The following THSD1 variants were observed in gnomAD, a reference collection of about 807,000 sequenced individuals.
THSD1 encodes the protein thrombospondin type 1 domain containing 1.
Under a neutral mutation model 46.3 loss-of-function variants are expected in THSD1, and 34 were observed. That is an observed-to-expected ratio of 0.74 (90% CI 0.56 to 0.98). The LOEUF (loss-of-function observed/expected upper bound fraction) is 0.98. Among genes scored for constraint, THSD1 ranks in the 50% least tolerant of loss-of-function variants. The pLI, the probability that THSD1 is intolerant of heterozygous loss-of-function variation, is 0.00. For synonymous variants in THSD1, 407 were observed against 416.5 expected (o/e 0.98, Z 0.28); for missense variants, 1,023 against 1,058.3 (o/e 0.97, Z 0.46).
chr13:52,393,636 C>T (rs995158971), intron 3 of THSD1, among the ~76,000 whole-genome samples: 6 of 152,016 alleles, frequency 3.9e-5, no homozygotes, highest in Non-Finnish European at 7.4e-5. Context: ...ACATCCTGGG[C>T]GACAGAGCGA....
chr13:52,401,654 C>T (rs1188088261), intron 2 of THSD1, among the ~76,000 whole-genome samples: 1 of 152,132 alleles, frequency 6.6e-6, no homozygotes, highest in Admixed American at 6.5e-5. Context: ...CCGGTGTCTT[C>T]TTGTATAAAT....
Position 52,400,987 on chromosome 13 carries a change from T to C in THSD1, c.58+1556A>G, listed in dbSNP as rs374643560. Reference sequence around the variant, plus strand: ...TTGTTTTTGTTTTTTTGTTTGTTTGTTTTTGAGACGGACTTTTGCTCTTGT... The same window carrying C: ...TTGTTTTTGTTTTTTTGTTTGTTTGCTTTTGAGACGGACTTTTGCTCTTGT... On this transcript the variant is annotated intron_variant, in intron 2 of 4. Transcript: ENST00000258613. Among the ~76,000 whole-genome samples the C allele has an allele frequency of 5.5e-4, 84 of 152,316 alleles. 3 individuals are homozygous for C. The highest frequency in any genetic ancestry group is 1.7e-3 in the South Asian group (8 of 4,832).
chr13:52,401,190 G>A (rs967173086), intron 2 of THSD1, among the ~76,000 whole-genome samples: 15 of 152,152 alleles, frequency 9.9e-5, no homozygotes, highest in Non-Finnish European at 2.1e-4. Flanking sequence ...GGCCAGGATG[G>A]TCTCAATCTC....
intron 4 of THSD1, among the ~76,000 whole-genome samples, chr13:52,380,723 C>T (rs568543173): frequency 6.6e-6 from 1 of 152,118 alleles, no homozygotes; most frequent in Non-Finnish European, 1.5e-5. Flanking sequence ...GCTGGGATTA[C>T]ACATACTTTC....
intron 3 of THSD1, among the ~76,000 whole-genome samples, chr13:52,396,516 ACT>A (rs950979453): frequency 1.2e-4 from 19 of 152,128 alleles, no homozygotes; most frequent in Non-Finnish European, 2.5e-4. Flanking sequence ...ACAGAGCGAG[ACT>A]CTGTCTCAAA....
chr13:52,383,894 T>C (rs763796943), intron 4 of THSD1, among the ~76,000 whole-genome samples: 14 of 152,196 alleles, frequency 9.2e-5, no homozygotes, highest in Admixed American at 6.5e-4. Context: ...TTCCAGTTCC[T>C]ACTCAGTATT....
chr13:52,392,886 G>A (rs573259670), intron 3 of THSD1, among the ~76,000 whole-genome samples: 25 of 152,284 alleles, frequency 1.6e-4, no homozygotes, highest in Non-Finnish European at 2.9e-4. Flanking sequence ...TCCTTATATT[G>A]AACAAATCAT....
In THSD1 at chr13:52,378,311, G is replaced by T; in HGVS notation, c.1659C>A (p.His553Gln). Residue 553 changes from histidine to glutamine, a missense_variant, in exon 5 of 5, where the codon CAC (histidine) becomes CAA (glutamine). Physicochemically the swap from His to Gln is conservative, Grantham distance 24. Around this residue, in one of 3 missense-constraint regions of THSD1, gnomAD observed 578 missense variants for 497.4 expected, o/e 1.16. Transcript: ENST00000258613. ...TGTCTGTCAGGGGACTCTGAGACAC[G>T]TGATACACTTTGGTAGTTTCCGTCA... ...KGLTETTKVY[H>Q]VSQSPLTDTA... is the part of the protein sequence containing the mutation. 1 of 1,614,214 alleles carries T rather than the reference G, an allele frequency of 6.2e-7. No homozygotes were observed. The highest frequency in any genetic ancestry group is 8.5e-7 in the Non-Finnish European group (1 of 1,180,050).
rs368671089 is a variant in THSD1 at position 52,392,190 on chromosome 13, C to CAAAAA, written c.1021+5037_1021+5041dup. ...CTGGGGGAGAGAGTGAGACTCCTCT[C>CAAAAA]AAAAAAAAAAAAAAAAAAAAAGTAA... On this transcript the variant is annotated intron_variant, in intron 3 of 4. Coordinates refer to ENST00000258613, the MANE Select transcript of THSD1 (RefSeq NM_018676.4). Among the ~76,000 whole-genome samples the CAAAAA allele has an allele frequency of 5.4e-3, 379 of 69,662 alleles. 13 individuals are homozygous for CAAAAA. The highest frequency in any genetic ancestry group is 0.023 in the African/African-American group (357 of 15,692). 45.7% of individuals were successfully genotyped at this position (69,662 alleles called of 152,430 possible). A position where few individuals can be genotyped will look rare whatever the true frequency, so the allele number is the denominator to read the frequency against.
chr13:52,404,462 T>G (rs1321998247), intron 1 of THSD1, among the ~76,000 whole-genome samples: 1 of 152,032 alleles, frequency 6.6e-6, no homozygotes, highest in East Asian at 1.9e-4. Context: ...AGATTTGAAG[T>G]GTAACTATGC....
At chr13:52,379,750 G>C (rs1034693016) in intron 4 of THSD1, among the ~76,000 whole-genome samples, 28 of 152,110 alleles carry the variant, frequency 1.8e-4, no homozygotes, top group African/African-American at 6.5e-4. Context: ...TGGGATTACA[G>C]GTGTGAGCCA....
At chr13:52,397,068 G>C (rs1469129759) in intron 3 of THSD1, among the ~76,000 whole-genome samples, 164 bp downstream of exon 3, 5 of 152,086 alleles carry the variant, frequency 3.3e-5, no homozygotes, top group Non-Finnish European at 7.3e-5. Flanking sequence ...AGGTTTACCA[G>C]TACTCTTAAT....
At position 52,378,045 on chromosome 13, in the gene THSD1, C is replaced by G. The variant is rs1957651569; in HGVS notation, c.1925G>C (p.Arg642Thr). 1 of 1,614,054 alleles carries G rather than the reference C, an allele frequency of 6.2e-7. No homozygotes were observed. The highest frequency in any genetic ancestry group is 1.3e-5 in the African/African-American group (1 of 74,942). ...HVGSRGGPSERSHARNAHFRR... is the reference protein window; with the variant it reads ...HVGSRGGPSETSHARNAHFRR... ...GAAATGGGCGTTCCTGGCATGGCTC[C>G]TTTCGGACGGGCCCCCTCTGCTGCC... The change falls in exon 5 of 5, where the codon AGG becomes ACG. Residue 642 changes from arginine to threonine, a missense_variant. Arg to Thr is a moderately conservative substitution (Grantham distance 71). Coordinates refer to ENST00000258613, the MANE Select transcript of THSD1 (RefSeq NM_018676.4).
intron 3 of THSD1, among the ~76,000 whole-genome samples, chr13:52,390,032 C>G (rs1162759588): frequency 6.6e-6 from 1 of 151,004 alleles, no homozygotes; most frequent in Admixed American, 6.6e-5. Context: ...ACCAGCTACT[C>G]GGGAGACTGA....
chr13:52,403,937 CATTTTT>C (rs1270681349), intron 1 of THSD1, among the ~76,000 whole-genome samples: 8 of 123,914 alleles, frequency 6.5e-5, no homozygotes, highest in African/African-American at 2.6e-4. Flanking sequence ...CCATTATTCA[CATTTTT>C]TTTTTTTTTT....
intron 4 of THSD1, 118 bp downstream of exon 4, chr13:52,385,910 G>T: frequency 1.2e-6 from 1 of 860,802 alleles, no homozygotes. Context: ...AGCAATCACA[G>T]AGCATTAATG....
intron 4 of THSD1, among the ~76,000 whole-genome samples, chr13:52,383,526 TGG>T (rs1957707658): frequency 6.6e-6 from 1 of 152,344 alleles, no homozygotes; most frequent in East Asian, 1.9e-4. Context: ...CTCATGACAG[TGG>T]GTAGCAGCAT....
rs1293813714 is a variant in THSD1 at position 52,397,450 on chromosome 13, A to G, written c.803T>C (p.Val268Ala). The G allele has an allele frequency of 6.2e-7, 1 of 1,614,108 alleles. No individual in the cohort carries two copies. Among genetic ancestry groups the G allele is most frequent in the South Asian group, 1.1e-5 (1 of 91,074 alleles). ...CTTGAAGACAGTGACCACTCCTTGG[A>G]CGAAGGTGCATGGTGGAGGCAGCAC... ...VTVLPPPCTF[V>A]QGVVTVFKEA... The change falls in exon 3 of 5, where the codon GTC becomes GCC. Residue 268 changes from valine (V) to alanine (A), a missense_variant. Physicochemically the swap from Val to Ala is moderately conservative, Grantham distance 64. Transcript: ENST00000258613.
chr13:52,388,257 T>C (rs1353877066), intron 3 of THSD1, among the ~76,000 whole-genome samples: 1 of 151,452 alleles, frequency 6.6e-6, no homozygotes, highest in Non-Finnish European at 1.5e-5. Flanking sequence ...AAAACAAAAA[T>C]GGAGATCATG....
Sources: allele counts gnomAD v4.1 joint callset (sites outside exome capture counted in the v4.1 genomes callset), GRCh38; gene constraint gnomAD v4.1.1; regional missense constraint gnomAD v4.1.1; transcripts MANE v1.5; gene names NCBI Gene and HGNC (gene_info 2026-07-23, HGNC 2026-07-21).